The following COL28A1 variants were observed in gnomAD, a reference collection of about 807,000 sequenced individuals.
COL28A1 encodes collagen type XXVIII alpha 1 chain, also known as collagen alpha-1(XXVIII) chain.
Under a neutral mutation model 150.2 loss-of-function variants are expected in COL28A1, and 161 were observed. The observed-to-expected ratio is 1.07, with a 90% CI of 0.94 to 1.22. COL28A1 has a LOEUF of 1.22. COL28A1 is among the 50% of genes most tolerant of loss of function. The pLI, the probability that COL28A1 is intolerant of heterozygous loss-of-function variation, is 0.00. For synonymous variants in COL28A1, 552 were observed against 469.7 expected (o/e 1.18, Z -2.26); for missense variants, 1,617 against 1,388.3 (o/e 1.16, Z -2.62).
At chr7:7,522,487 T>C (rs1264575128) in intron 4 of COL28A1, among the ~76,000 whole-genome samples, 1 of 152,122 alleles carries the variant, frequency 6.6e-6, no homozygotes, top group African/African-American at 2.4e-5. Flanking sequence ...AACTCTGAAA[T>C]CAGAATGAGT....
At chr7:7,349,173 T>C in the COL28A1 span, among the ~76,000 whole-genome samples, 2 of 152,192 alleles carry the variant, frequency 1.3e-5, no homozygotes, top group East Asian at 1.9e-4. Flanking sequence ...TTAAGAGTTT[T>C]CCAAATATAT....
chr7:7,357,330 G>A (rs186273591), downstream of COL28A1, among the ~76,000 whole-genome samples: 1,426 of 152,232 alleles, frequency 9.4e-3, 21 homozygotes, highest in African/African-American at 0.033. Context: ...GATTATAGGC[G>A]TGAGCCACGG....
intron 33 of COL28A1, among the ~76,000 whole-genome samples, chr7:7,367,125 T>A (rs116380523): frequency 0.033 from 4,989 of 152,286 alleles, 266 homozygotes; most frequent in African/African-American, 0.11. Flanking sequence ...TACTTACCAC[T>A]GTGTTACAGT....
At chr7:7,458,840 A>G (rs1370466222) in intron 15 of COL28A1, among the ~76,000 whole-genome samples, 4 of 152,218 alleles carry the variant, frequency 2.6e-5, no homozygotes, top group Non-Finnish European at 5.9e-5. Context: ...AACCCAACTC[A>G]TAGCCACTAG....
chr7:7,494,490 G>A (rs924925507), intron 11 of COL28A1, among the ~76,000 whole-genome samples: 25 of 152,284 alleles, frequency 1.6e-4, no homozygotes, highest in Middle Eastern at 6.8e-3. Context: ...AATTATATCT[G>A]CCTTGTAGCA....
At chr7:7,372,135 C>T (rs1260072049) in intron 32 of COL28A1, among the ~76,000 whole-genome samples, 1 of 152,094 alleles carries the variant, frequency 6.6e-6, no homozygotes, top group Non-Finnish European at 1.5e-5. Context: ...CACGGTGGCT[C>T]ATGCCTGTAA....
the COL28A1 span, among the ~76,000 whole-genome samples, chr7:7,340,707 A>G: frequency 1.3e-5 from 2 of 151,862 alleles, no homozygotes; most frequent in African/African-American, 4.8e-5. Flanking sequence ...TTTTATACTT[A>G]TACCTGCATT....
At chr7:7,524,437 A>C (rs757623108) in intron 3 of COL28A1, among the ~76,000 whole-genome samples, 188 bp from the exon 4 acceptor site, 2 of 152,224 alleles carry the variant, frequency 1.3e-5, no homozygotes, top group Non-Finnish European at 2.9e-5. Flanking sequence ...CCATGTAATA[A>C]TAAGAGATAT....
At chr7:7,489,752 GCTGA>G (rs964682024) in intron 12 of COL28A1, among the ~76,000 whole-genome samples, 2 of 152,184 alleles carry the variant, frequency 1.3e-5, no homozygotes, top group African/African-American at 4.8e-5. Flanking sequence ...TGGTTACAGA[GCTGA>G]CTAAGCTGAC....
downstream of COL28A1, chr7:7,356,729 A>T (rs1780372040): frequency 6.6e-6 from 1 of 152,106 alleles, no homozygotes; most frequent in Non-Finnish European, 1.5e-5. Flanking sequence ...TAGCATTAGG[A>T]AATATACCTA....
chr7:7,490,403 G>A (rs899356093), intron 12 of COL28A1, among the ~76,000 whole-genome samples, 175 bp downstream of exon 12: 1 of 152,194 alleles, frequency 6.6e-6, no homozygotes, highest in African/African-American at 2.4e-5. Flanking sequence ...AATTATTCTT[G>A]TGGTAACTGC....
At chr7:7,524,458 A>G (rs906826973) in intron 3 of COL28A1, among the ~76,000 whole-genome samples, 4 of 152,222 alleles carry the variant, frequency 2.6e-5, no homozygotes, top group Admixed American at 2.6e-4. Flanking sequence ...AACTACCATT[A>G]AAAATTAACC....
chr7:7,371,773 G>A (rs572684983), intron 32 of COL28A1, among the ~76,000 whole-genome samples: 9 of 152,178 alleles, frequency 5.9e-5, no homozygotes, highest in Non-Finnish European at 1.2e-4. Context: ...AATGTGAAAG[G>A]ATAAACTTAG....
intron 27 of COL28A1, among the ~76,000 whole-genome samples, chr7:7,399,674 C>A (rs759949280): frequency 1.3e-5 from 2 of 152,056 alleles, no homozygotes; most frequent in South Asian, 2.1e-4. Context: ...TGGAAAAATG[C>A]GATCCAAGAA....
chr7:7,448,458 T>A (rs991951990), intron 18 of COL28A1, among the ~76,000 whole-genome samples: 1 of 150,878 alleles, frequency 6.6e-6, no homozygotes, highest in African/African-American at 2.5e-5. Context: ...CCAGAAAAAA[T>A]AATAAGCAAA....
At chr7:7,460,083 G>A (rs377707283) in intron 15 of COL28A1, among the ~76,000 whole-genome samples, 7 of 152,118 alleles carry the variant, frequency 4.6e-5, no homozygotes, top group South Asian at 2.1e-4. Context: ...TAAATCCAGA[G>A]CCCATCCCTG....
chr7:7,382,259 G>A (rs1001325217), intron 27 of COL28A1, among the ~76,000 whole-genome samples: 1 of 151,720 alleles, frequency 6.6e-6, no homozygotes, highest in South Asian at 2.1e-4. Context: ...GCAATAAGCT[G>A]AGATTGCACC....
At position 7,406,878 on chromosome 7, in the gene COL28A1, T is replaced by G. The variant is rs539267446; in HGVS notation, c.2136+10981A>C. ...GGTTTTCTTTCTTTTTTTTTAATCT[T>G]TAAAAAATATTATAGGAATACCTTA... On this transcript the variant is annotated intron_variant, in intron 27 of 34. Transcript: ENST00000399429. Among the ~76,000 whole-genome samples, 144 of 152,224 alleles carry G rather than the reference T, an allele frequency of 9.5e-4. 1 individual carries two copies. Among genetic ancestry groups the G allele is most frequent in the African/African-American group, 3.2e-3 (132 of 41,560 alleles).
At chr7:7,493,908 C>T (rs183023836) in intron 11 of COL28A1, among the ~76,000 whole-genome samples, 1 of 152,040 alleles carries the variant, frequency 6.6e-6, no homozygotes, top group South Asian at 2.1e-4. Context: ...TGCATGCCCA[C>T]AGTAATTATT....
Sources: gnomAD v4.1 joint callset for allele counts (sites outside exome capture counted in the v4.1 genomes callset) on GRCh38, gnomAD v4.1.1 for gene constraint, MANE v1.5 for transcripts, NCBI Gene and HGNC (gene_info 2026-07-23, HGNC 2026-07-21) for gene names.